The following TMEM255A variants were observed in gnomAD, a reference collection of about 807,000 sequenced individuals.
The protein encoded by TMEM255A is transmembrane protein 255A.
A neutral mutation model predicts 23.5 loss-of-function variants in TMEM255A; 14 were observed. That is an observed-to-expected ratio of 0.60 (90% CI 0.39 to 0.93). The LOEUF is 0.93. Among genes scored for constraint, TMEM255A ranks in the 40% least tolerant of loss-of-function variants. TMEM255A has a pLI of 0.00. For missense variants in TMEM255A, 233 were observed against 261.7 expected (o/e 0.89, Z 0.76); for synonymous variants, 104 against 100.3 (o/e 1.04, Z -0.22).
At chrX:120,254,362 C>A, downstream of TMEM255A, 21 of 1,211,442 alleles carry the variant, frequency 1.7e-5, no homozygotes, top group Non-Finnish European at 2.2e-5. Context: ...CAGCAGACAC[C>A]AAACAGTGCT....
intron 2 of TMEM255A, among the ~76,000 whole-genome samples, chrX:120,303,381 G>A (rs368121543): frequency 1.8e-5 from 2 of 111,555 alleles, no homozygotes; most frequent in African/African-American, 6.5e-5. Flanking sequence ...ACGGTTGATG[G>A]TGGGGCATTT....
intron 2 of TMEM255A, 89 bp downstream of exon 2, chrX:120,304,260 A>G (rs2058049695): frequency 1.0e-6 from 1 of 966,837 alleles, no homozygotes; most frequent in Admixed American, 2.8e-5. Flanking sequence ...AACACTAGAC[A>G]CTCAAACAGA....
intron 7 of TMEM255A, 135 bp downstream of exon 7, chrX:120,276,750 G>A: frequency 3.3e-6 from 2 of 605,863 alleles, no homozygotes; most frequent in African/African-American, 2.3e-5. Flanking sequence ...GACATTTGAA[G>A]GCAGCTACAT....
intron 6 of TMEM255A, among the ~76,000 whole-genome samples, chrX:120,277,691 A>C (rs149516667): frequency 3.4e-4 from 38 of 112,531 alleles, no homozygotes; most frequent in African/African-American, 1.2e-3. Context: ...TGGGACCTGA[A>C]TTCAGGCTTC....
intron 3 of TMEM255A, among the ~76,000 whole-genome samples, chrX:120,293,590 A>G (rs2057931998): frequency 8.9e-6 from 1 of 112,974 alleles, no homozygotes; most frequent in African/African-American, 3.2e-5. Context: ...CCAAAAGATT[A>G]TGTATCAGAG....
intron 6 of TMEM255A, among the ~76,000 whole-genome samples, chrX:120,279,998 CTTTTTTTTTTTT>C (rs59428362): frequency 2.6e-5 from 1 of 38,226 alleles, no homozygotes; most frequent in Non-Finnish European, 4.3e-5. Context: ...CCTTTTCTTT[CTTTTTTTTTTTT>C]TTTTTTTTTT....
At position 120,291,259 on chromosome X, in the gene TMEM255A, T is replaced by C. The variant is rs1556022872; in HGVS notation, c.346A>G (p.Arg116Gly). Residue 116 changes from arginine (R) to glycine (G), a missense_variant, in exon 4 of 9, where the codon AGA (arginine) becomes GGA (glycine). By Grantham distance (125) the Arg-to-Gly change is moderately radical. Coordinates refer to ENST00000371369, the MANE Select transcript of TMEM255A (RefSeq NM_001104544.3). ...CAIVDGVFAARHIDLKPLYAN... is the reference protein window; with the variant it reads ...CAIVDGVFAAGHIDLKPLYAN... The stretch of plus-strand genomic sequence containing the variant: ...GACGAAAAAATACTCACAATGTGTC[T>C]GGCAGCAAAGACCCCGTCAACTATG... The C allele has an allele frequency of 1.7e-6, 2 of 1,207,579 alleles. No homozygotes were observed. Among genetic ancestry groups the C allele is most frequent in the Non-Finnish European group, 2.2e-6 (2 of 892,549 alleles).
At chrX:120,303,890 A>G in intron 2 of TMEM255A, among the ~76,000 whole-genome samples, 1 of 111,662 alleles carries the variant, frequency 9.0e-6, no homozygotes, top group East Asian at 2.8e-4. Context: ...TATTTTAGGA[A>G]CATATCTTCC....
At chrX:120,270,511 T>G (rs1349185657) in intron 7 of TMEM255A, among the ~76,000 whole-genome samples, 1 of 111,141 alleles carries the variant, frequency 9.0e-6, no homozygotes, top group African/African-American at 3.3e-5. Flanking sequence ...GAATGCTACT[T>G]TTTTTCCCTC....
At chrX:120,300,396 T>C (rs1556025690) in intron 2 of TMEM255A, among the ~76,000 whole-genome samples, 2 of 110,904 alleles carry the variant, frequency 1.8e-5, no homozygotes, top group Non-Finnish European at 3.8e-5. Context: ...TTGTTTTGTT[T>C]TGTTTTTTTG....
At chrX:120,281,924 C>T (rs1020102565) in intron 6 of TMEM255A, among the ~76,000 whole-genome samples, 8 of 111,905 alleles carry the variant, frequency 7.1e-5, no homozygotes, top group African/African-American at 2.3e-4. Context: ...ACACCCCTGA[C>T]GTCAAAGAAG....
At chrX:120,297,314 A>G (rs1237699786) in intron 2 of TMEM255A, among the ~76,000 whole-genome samples, 2 of 98,463 alleles carry the variant, frequency 2.0e-5, no homozygotes, top group Non-Finnish European at 4.0e-5. Context: ...TTTGAGGATT[A>G]TATGAGATGA....
At chrX:120,273,278 G>C in intron 7 of TMEM255A, 1 of 268,609 alleles carries the variant, frequency 3.7e-6, no homozygotes, top group Non-Finnish European at 7.2e-6. Context: ...CCACAATTTA[G>C]AAGTTGTTTG....
chrX:120,287,851 A>C (rs888681650), intron 4 of TMEM255A, among the ~76,000 whole-genome samples: 4 of 111,867 alleles, frequency 3.6e-5, no homozygotes, highest in Non-Finnish European at 7.5e-5. Flanking sequence ...AAGTCTCAGA[A>C]AACTAACATG....
At chrX:120,296,438 C>CT (rs2057956551) in intron 2 of TMEM255A, among the ~76,000 whole-genome samples, 2 of 23,509 alleles carry the variant, frequency 8.5e-5, no homozygotes, top group African/African-American at 2.3e-4. Context: ...TATTCTATTC[C>CT]ACTCCAATGC....
chrX:120,287,203 G>A lies in TMEM255A; in HGVS notation c.374C>T (p.Ala125Val), dbSNP rs2057882253. 8.3e-7 allele frequency: 1 copy of A among 1,210,291 alleles called. No individual in the cohort carries two copies. The highest frequency in any genetic ancestry group is 1.7e-5 in the African/African-American group (1 of 57,518). ...ARHIDLKPLY[A>V]NRCHYVPKTS... is the part of the protein sequence containing the mutation. The stretch of plus-strand genomic sequence containing the variant: ...CTTGGGAACATAATGGCACCGGTTA[G>A]CGTAGAGTGGTTTCAGATCCTGAAA... Residue 125 changes from alanine to valine, a missense_variant, in exon 5 of 9, where the codon GCT becomes GTT. By Grantham distance (64) the Ala-to-Val change is moderately conservative (BLOSUM62 0). Coordinates refer to ENST00000371369, the MANE Select transcript of TMEM255A (RefSeq NM_001104544.3).
chrX:120,296,380 C>CTCCTATTCTATTCTATTCTAT (rs1556024031), intron 2 of TMEM255A, among the ~76,000 whole-genome samples: 1 of 74,066 alleles, frequency 1.4e-5, no homozygotes, highest in African/African-American at 5.4e-5. Context: ...TCCCCTTCTC[C>CTCCTATTCTATTCTATTCTAT]TCTATTCTAT....
intron 2 of TMEM255A, among the ~76,000 whole-genome samples, chrX:120,295,172 G>A (rs1451685509): frequency 1.8e-5 from 2 of 112,060 alleles, no homozygotes; most frequent in African/African-American, 6.5e-5. Flanking sequence ...AGTGGAAGAA[G>A]TAAAAAGTGG....
intron 1 of TMEM255A, among the ~76,000 whole-genome samples, chrX:120,306,195 T>C (rs2058064169): frequency 1.8e-5 from 2 of 110,821 alleles, no homozygotes; most frequent in South Asian, 7.8e-4. Flanking sequence ...TCGGGGCCCT[T>C]TCATGACAGG....
Sources: gnomAD v4.1 joint callset for allele counts (sites outside exome capture counted in the v4.1 genomes callset) on GRCh38, gnomAD v4.1.1 for gene constraint, MANE v1.5 for transcripts, NCBI Gene and HGNC (gene_info 2026-07-23, HGNC 2026-07-21) for gene names.